Variants in TBX18 observed in about 807,000 individuals in gnomAD.
The protein encoded by TBX18 is T-box transcription factor TBX18.
TBX18 carries 21 observed loss-of-function variants against 55.0 expected under a neutral mutation model. The ratio of observed to expected loss-of-function variants is 0.38; its 90% CI spans 0.27 to 0.55. The LOEUF is 0.55. Ranked by LOEUF, TBX18 falls within the 20% of genes least tolerant of loss-of-function variation. The probability of loss-of-function intolerance (pLI) is 0.73; values close to 1 mark genes in which losing one functional copy is unlikely to be tolerated. For missense variants in TBX18, 840 were observed against 799.6 expected (o/e 1.05, Z -0.61); for synonymous variants, 342 against 326.1 (o/e 1.05, Z -0.53).
At chr6:84,739,910 A>C (rs1767003694) in intron 6 of TBX18, among the ~76,000 whole-genome samples, 1 of 152,182 alleles carries the variant, frequency 6.6e-6, no homozygotes, top group Non-Finnish European at 1.5e-5. Context: ...AGTCTCTGTT[A>C]ATTGATTTCT....
At chr6:84,746,947 A>C (rs894188873) in intron 5 of TBX18, among the ~76,000 whole-genome samples, 3 of 151,954 alleles carry the variant, frequency 2.0e-5, no homozygotes, top group Non-Finnish European at 4.4e-5. Flanking sequence ...AAAGAGTGGC[A>C]ACATGAGTGT....
chr6:84,732,952 T>C lies in TBX18; in HGVS notation c.*3733A>G, dbSNP rs1582057354. The C allele has an allele frequency of 6.6e-6, 1 of 152,172 alleles. No individual in the cohort carries two copies. Among genetic ancestry groups the C allele is most frequent in the South Asian group, 2.1e-4 (1 of 4,826 alleles). The allele number at this position is 152,172 out of a possible 1,614,324, so 9.4% of individuals were successfully genotyped here. A position where few individuals can be genotyped will look rare whatever the true frequency, so the allele number is the denominator to read the frequency against. On this transcript the variant is annotated 3_prime_UTR_variant, in exon 8 of 8. Coordinates refer to ENST00000369663, the MANE Select transcript of TBX18 (RefSeq NM_001080508.3). ...CATATGAATTGGAAACTAAAAGGAA[T>C]ACTAACAATTATCATCCCAGCCATT...
At chr6:84,745,207 A>T (rs1262022710) in intron 5 of TBX18, among the ~76,000 whole-genome samples, 2 of 152,076 alleles carry the variant, frequency 1.3e-5, no homozygotes, top group African/African-American at 4.8e-5. Context: ...TAAGGGGGAA[A>T]TTTTTTACAA....
rs750772054 is a variant in TBX18 at position 84,737,316 on chromosome 6, G to GGAGAGGAGC, written c.1184_1192dup (p.Ser397_Pro398insArgSerSer). ...GGTGTTGGGCCCCAGATGGAAGGCA[G>GGAGAGGAGC]GAGAGGAGCAAGAGGAGCCAGACAA... On this transcript the variant is annotated inframe_insertion, in exon 8 of 8. Transcript: ENST00000369663. 3.1e-6 allele frequency: 5 copies of GGAGAGGAGC among 1,601,344 alleles called. No individual in the cohort carries two copies. The South Asian group carries it at 5.7e-5, about 18-fold the overall frequency.
Position 84,738,608 on chromosome 6 carries a change from A to T in TBX18, c.1005-17T>A. ...AAACCCATTCTAAATGGAAAGGGTCAGGATAGGGGTGGACAAAAGAAGTCT... is the reference window on the plus strand; with the variant it reads ...AAACCCATTCTAAATGGAAAGGGTCTGGATAGGGGTGGACAAAAGAAGTCT... On this transcript the variant is annotated splice_polypyrimidine_tract_variant and intron_variant, in intron 6 of 7. Transcript: ENST00000369663. 6.3e-7 allele frequency: 1 copy of T among 1,597,586 alleles called. No homozygotes were observed. Among genetic ancestry groups the T allele is most frequent in the Non-Finnish European group, 8.6e-7 (1 of 1,165,188 alleles).
rs746963599 is a variant in TBX18, at chr6:84,736,695, T to A, written c.1814A>T (p.His605Leu). The A allele has an allele frequency of 6.4e-7, 1 of 1,560,414 alleles. No homozygotes were observed. The highest frequency in any genetic ancestry group is 8.6e-7 in the Non-Finnish European group (1 of 1,157,426). Residue 605 changes from histidine (H) to leucine (L), a missense_variant, in exon 8 of 8, where the codon CAT (histidine) becomes CTT (leucine). Physicochemically the swap from His to Leu is moderately conservative, Grantham distance 99. Coordinates refer to ENST00000369663, the MANE Select transcript of TBX18 (RefSeq NM_001080508.3). ...LTLSSSQVSA[H>L]MV is the part of the protein sequence containing the mutation. ...AACTTAAAGGCTTCATCAGACCATA[T>A]GTGCAGATACTTGAGATGATGACAG...
In TBX18 at chr6:84,760,302, T is replaced by C; in HGVS notation, c.552A>G (p.Gln184=). The C allele has an allele frequency of 1.9e-6, 3 of 1,609,200 alleles. No homozygotes were observed. Among genetic ancestry groups the C allele is most frequent in the Non-Finnish European group, 2.5e-6 (3 of 1,177,028 alleles). Residue 184 remains glutamine, a synonymous_variant, in exon 3 of 8, where the codon CAA becomes CAG. Transcript: ENST00000369663. ...GTACAATATCCATGGCAATGTAATA[T>C]TGCTGGTGAGGATCTAATCCAGAGA... ...VKISGLDPHQ[Q]YYIAMDIVPV...
chr6:84,764,326 A>C lies in TBX18; in HGVS notation c.-145T>G. 7 of 1,139,144 alleles carry C rather than the reference A, an allele frequency of 6.1e-6. No homozygotes were observed. The highest frequency in any genetic ancestry group is 8.1e-6 in the Non-Finnish European group (7 of 868,448). The allele number at this position is 1,139,144 out of a possible 1,614,324, so 70.6% of individuals were successfully genotyped here. A position where few individuals can be genotyped will look rare whatever the true frequency, so the allele number is the denominator to read the frequency against. ...CTTCCCCACCGCGGGCAAAAAACAGATTTGGCGTTTCCGCTTTCTCGCTTG... is the reference window on the plus strand; with the variant it reads ...CTTCCCCACCGCGGGCAAAAAACAGCTTTGGCGTTTCCGCTTTCTCGCTTG... On this transcript the variant is annotated 5_prime_UTR_variant, in exon 1 of 8. Coordinates refer to ENST00000369663, the MANE Select transcript of TBX18 (RefSeq NM_001080508.3).
chr6:84,764,379 C>A lies in TBX18; in HGVS notation c.-198G>T. On this transcript the variant is annotated 5_prime_UTR_variant, in exon 1 of 8. Coordinates refer to ENST00000369663, the MANE Select transcript of TBX18 (RefSeq NM_001080508.3). Reference sequence around the variant, plus strand: ...TTGGGATCCAGGAACCGGCGACGCGCCGGCCAAGTCTCCTTTCCTGGGTCT... The same window carrying A: ...TTGGGATCCAGGAACCGGCGACGCGACGGCCAAGTCTCCTTTCCTGGGTCT... 1.4e-6 allele frequency: 1 copy of A among 726,484 alleles called. No homozygotes were observed. Among genetic ancestry groups the A allele is most frequent in the South Asian group, 2.7e-5 (1 of 37,128 alleles). The allele number at this position is 726,484 out of a possible 1,614,324, so 45.0% of individuals were successfully genotyped here.
intron 4 of TBX18, 93 bp downstream of exon 4, chr6:84,756,605 T>C (rs1316103972): frequency 8.2e-7 from 1 of 1,221,908 alleles, no homozygotes; most frequent in East Asian, 2.3e-5. Context: ...GCAATGAACA[T>C]TATGATCTTA....
At chr6:84,760,228 TA>T (rs761050834) in intron 3 of TBX18, 26 bp downstream of exon 3, 24 of 1,387,904 alleles carry the variant, frequency 1.7e-5, no homozygotes, top group Non-Finnish European at 2.2e-5. Flanking sequence ...TTTTTTTTTT[TA>T]ATTGTTCAGT....
intron 3 of TBX18, among the ~76,000 whole-genome samples, chr6:84,759,360 T>C (rs1019824007): frequency 6.6e-6 from 1 of 152,128 alleles, no homozygotes; most frequent in African/African-American, 2.4e-5. Flanking sequence ...TCTGATTTTG[T>C]TTAAACTTAC....
In TBX18 at chr6:84,744,264, T is replaced by A; in HGVS notation, c.1001A>T (p.Asn334Ile). 6.2e-7 allele frequency: 1 copy of A among 1,612,442 alleles called. No individual in the cohort carries two copies. The highest frequency in any genetic ancestry group is 8.5e-7 in the Non-Finnish European group (1 of 1,179,006). ...FAKGFRDSGR[N>I]RMGLEALVES... Reference sequence around the variant, plus strand: ...AATGGTCTTCACTAAGGCCCACCTGTTGCGCCCGGAGTCTCGGAAGCCTTT... The same window carrying A: ...AATGGTCTTCACTAAGGCCCACCTGATGCGCCCGGAGTCTCGGAAGCCTTT... Residue 334 changes from asparagine to isoleucine, a missense_variant, in exon 6 of 8, where the codon AAC becomes ATC. Coordinates refer to ENST00000369663, the MANE Select transcript of TBX18 (RefSeq NM_001080508.3).
intron 5 of TBX18, among the ~76,000 whole-genome samples, chr6:84,746,135 T>C (rs112186308): frequency 1.0e-3 from 153 of 152,150 alleles, no homozygotes; most frequent in African/African-American, 3.4e-3. Flanking sequence ...TTTGTGTTAG[T>C]CACAACATGT....
At position 84,762,584 on chromosome 6, in the gene TBX18, G is replaced by T. The variant is rs963826780; in HGVS notation, c.457C>A (p.His153Asn). The change falls in exon 2 of 8, where the codon CAT becomes AAT. Residue 153 changes from histidine to asparagine, a missense_variant. Transcript: ENST00000369663. ...LQGAELWKRF[H>N]EIGTEMIITK... ...ATGATCATCTCAGTGCCTATCTCAT[G>T]AAAGCGCTTCCAGAGCTCGGCTCCC... 1 of 1,613,998 alleles carries T rather than the reference G, an allele frequency of 6.2e-7. No individual in the cohort carries two copies. The highest frequency in any genetic ancestry group is 8.5e-7 in the Non-Finnish European group (1 of 1,180,002).
intron 5 of TBX18, among the ~76,000 whole-genome samples, chr6:84,745,186 G>C (rs1767149811): frequency 6.6e-6 from 1 of 152,002 alleles, no homozygotes; most frequent in African/African-American, 2.4e-5. Context: ...TGCTCACTAA[G>C]ACACCAAGAT....
At chr6:84,744,889 G>A (rs1767142465) in intron 5 of TBX18, among the ~76,000 whole-genome samples, 1 of 151,838 alleles carries the variant, frequency 6.6e-6, no homozygotes, top group South Asian at 2.1e-4. Flanking sequence ...GCTTTTATCT[G>A]AAAGTTTTAT....
Position 84,764,010 on chromosome 6 carries a change from CGCGG to C in TBX18, c.168_171del (p.Ser56ArgfsTer99). 1 of 1,558,132 alleles carries C rather than the reference CGCGG, an allele frequency of 6.4e-7. No individual in the cohort carries two copies. The highest frequency in any genetic ancestry group is 8.7e-7 in the Non-Finnish European group (1 of 1,155,788). ...GAACCCTTTTCGCCCGCGCCGCCGC[CGCGG>C]CTGCAGCCTCCGTCGTCCACGGCCC... On this transcript the variant is annotated frameshift_variant, in exon 1 of 8. Transcript: ENST00000369663. LOFTEE classifies it high-confidence loss of function.
At chr6:84,744,823 T>G (rs537601506) in intron 5 of TBX18, among the ~76,000 whole-genome samples, 1 of 152,268 alleles carries the variant, frequency 6.6e-6, no homozygotes, top group Non-Finnish European at 1.5e-5. Flanking sequence ...ATGTACACAT[T>G]CCTTTAATTT....
Sources: allele counts gnomAD v4.1 joint callset (sites outside exome capture counted in the v4.1 genomes callset), GRCh38; gene constraint gnomAD v4.1.1; transcripts MANE v1.5; gene names NCBI Gene and HGNC (gene_info 2026-07-23, HGNC 2026-07-21).